The following BRD4 variants were observed in gnomAD, a reference collection of about 807,000 sequenced individuals.
BRD4 encodes bromodomain-containing protein 4.
BRD4 carries 16 observed loss-of-function variants against 142.1 expected under a neutral mutation model. The observed-to-expected ratio is 0.11, with a 90% CI of 0.08 to 0.17. The LOEUF (loss-of-function observed/expected upper bound fraction) is 0.17, where lower values mean the gene tolerates loss of function less well. Ranked by LOEUF, BRD4 falls within the 10% of genes least tolerant of loss-of-function variation. The pLI is 1.00. For synonymous variants in BRD4, 833 were observed against 707.5 expected (o/e 1.18, Z -2.82); for missense variants, 1,424 against 1,810.9 (o/e 0.79, Z 3.88).
intron 11 of BRD4, among the ~76,000 whole-genome samples, chr19:15,246,088 G>A (rs776589830): frequency 2.6e-5 from 4 of 152,178 alleles, no homozygotes; most frequent in Non-Finnish European, 5.9e-5. Context: ...TCGTACAAAT[G>A]ACCAGGGGCT....
rs147878060 is a variant in BRD4, at chr19:15,319,376, G to A, written c.-35+12914C>T. Among the ~76,000 whole-genome samples, 1,273 of 152,194 alleles carry A rather than the reference G, an allele frequency of 8.4e-3. 13 individuals carry two copies. Among genetic ancestry groups the A allele is most frequent in the Non-Finnish European group, 0.012 (799 of 68,006 alleles). ...GCTACCTGGGAGGCTGAAGTAGGAG[G>A]ATCACCTAGGCCAGGAGGCCGATGC... On this transcript the variant is annotated intron_variant, in intron 1 of 19. Transcript: ENST00000679869.
At chr19:15,272,302 C>T (rs1203560111) in intron 2 of BRD4, among the ~76,000 whole-genome samples, 3 of 152,184 alleles carry the variant, frequency 2.0e-5, no homozygotes, top group African/African-American at 7.2e-5. Context: ...CTGGGGACGC[C>T]TCCATGTACT....
intron 11 of BRD4, among the ~76,000 whole-genome samples, chr19:15,245,430 A>G (rs886646010): frequency 2.0e-5 from 3 of 152,190 alleles, no homozygotes; most frequent in African/African-American, 7.2e-5. Flanking sequence ...ACCAGCTACT[A>G]AAGAGGTAGA....
intron 1 of BRD4, among the ~76,000 whole-genome samples, chr19:15,297,152 A>G (rs551513034): frequency 6.6e-6 from 1 of 152,186 alleles, no homozygotes; most frequent in Non-Finnish European, 1.5e-5. Context: ...TTGACACACA[A>G]AGTCACAGGA....
chr19:15,257,284 GA>G, intron 7 of BRD4, 111 bp from the exon 8 acceptor site: 1 of 1,039,146 alleles, frequency 9.6e-7, no homozygotes, highest in South Asian at 1.6e-5. Context: ...AACCGAGGGC[GA>G]AAGAGGATGG....
rs752498366 is a variant in BRD4 at position 15,257,087 on chromosome 19, G to A, written c.1428C>T (p.Pro476=). The A allele has an allele frequency of 1.2e-6, 2 of 1,607,790 alleles. No homozygotes were observed. Among genetic ancestry groups the A allele is most frequent in the Non-Finnish European group, 1.7e-6 (2 of 1,178,928 alleles). ...VAVSSPAVPP[P]TKVVAPPSSS... is the part of the protein sequence containing the mutation. ...ATGAGGGCGGGGCCACAACCTTGGTGGGAGGGGGCACTGCCGGGGAGGACA... is the reference window on the plus strand; with the variant it reads ...ATGAGGGCGGGGCCACAACCTTGGTAGGAGGGGGCACTGCCGGGGAGGACA... Residue 476 remains proline, a synonymous_variant, in exon 8 of 20, where the codon CCC becomes CCT. Coordinates refer to ENST00000679869, the MANE Select transcript of BRD4 (RefSeq NM_001379291.1).
At chr19:15,262,372 G>C (rs546103007) in intron 7 of BRD4, among the ~76,000 whole-genome samples, 9 of 152,142 alleles carry the variant, frequency 5.9e-5, no homozygotes, top group African/African-American at 2.2e-4. Flanking sequence ...AGAAGATGCT[G>C]GGAATTTTTA....
chr19:15,277,881 CG>C (rs2047664637), intron 1 of BRD4, among the ~76,000 whole-genome samples: 1 of 151,432 alleles, frequency 6.6e-6, no homozygotes, highest in Non-Finnish European at 1.5e-5. Flanking sequence ...CCGAGGCAGG[CG>C]GATCACGAGG....
At chr19:15,312,002 C>G (rs1005249217) in intron 1 of BRD4, among the ~76,000 whole-genome samples, 4 of 152,114 alleles carry the variant, frequency 2.6e-5, no homozygotes, top group Non-Finnish European at 4.4e-5. Context: ...ATCTGCTGCA[C>G]GACAATATGC....
intron 1 of BRD4, among the ~76,000 whole-genome samples, chr19:15,291,462 G>A (rs550102731): frequency 5.9e-4 from 90 of 152,310 alleles, no homozygotes; most frequent in Non-Finnish European, 9.6e-4. Flanking sequence ...AAAAAGAAAT[G>A]TAGGTGGCAG....
intron 1 of BRD4, among the ~76,000 whole-genome samples, chr19:15,328,168 A>G (rs1017538341): frequency 2.6e-5 from 4 of 152,164 alleles, no homozygotes; most frequent in Admixed American, 6.5e-5. Context: ...CATTATACAA[A>G]TATCTTTCAG....
At chr19:15,328,116 G>T (rs1398666023) in intron 1 of BRD4, among the ~76,000 whole-genome samples, 1 of 152,064 alleles carries the variant, frequency 6.6e-6, no homozygotes, top group Non-Finnish European at 1.5e-5. Context: ...AATAAACGTG[G>T]AGGATGAACA....
intron 2 of BRD4, among the ~76,000 whole-genome samples, chr19:15,270,130 T>G (rs552838104): frequency 6.6e-6 from 1 of 152,234 alleles, no homozygotes; most frequent in East Asian, 1.9e-4. Context: ...CAAATCCAAG[T>G]GGAGTCCCAC....
At chr19:15,252,219 C>T (rs1414770253) in intron 11 of BRD4, among the ~76,000 whole-genome samples, 1 of 152,198 alleles carries the variant, frequency 6.6e-6, no homozygotes, top group Non-Finnish European at 1.5e-5. Flanking sequence ...CATGATCACA[C>T]ACTGGAAATC....
At chr19:15,242,270 G>A (rs919950708) in intron 14 of BRD4, among the ~76,000 whole-genome samples, 1 of 152,176 alleles carries the variant, frequency 6.6e-6, no homozygotes, top group African/African-American at 2.4e-5. Context: ...ACATCAGGAG[G>A]CACTGACCAG....
At chr19:15,332,025 C>A in intron 1 of BRD4, 1 of 141,892 alleles carries the variant, frequency 7.0e-6, no homozygotes, top group South Asian at 1.9e-4. Context: ...AAGCCCGGGT[C>A]CGACGGCACC....
rs567415611 is a variant in BRD4, at chr19:15,296,191, T to C, written c.-34-23058A>G. ...ATCGCTTGAACCCGGGAGAGAGAGG[T>C]TGCAGTGAGCCAAGATCGTGCCACT... On this transcript the variant is annotated intron_variant, in intron 1 of 19. Transcript: ENST00000679869. Among the ~76,000 whole-genome samples, 11 of 151,650 alleles carry C rather than the reference T, an allele frequency of 7.3e-5. No individual in the cohort carries two copies. The East Asian group carries it at 1.7e-3, about 24-fold the overall frequency.
At position 15,239,374 on chromosome 19, in the gene BRD4, A is replaced by T. The variant is rs199836962; in HGVS notation, c.3576+18T>A. Reference sequence around the variant, plus strand: ...CAGGGCCAAGGGGCAAGCGACACCCATGGACCTCCATCCCAACCTTTTTGG... The same window carrying T: ...CAGGGCCAAGGGGCAAGCGACACCCTTGGACCTCCATCCCAACCTTTTTGG... On this transcript the variant is annotated intron_variant, in intron 17 of 19. Coordinates refer to ENST00000679869, the MANE Select transcript of BRD4 (RefSeq NM_001379291.1). The surrounding 1 kb of genome is among the most constrained non-coding windows in gnomAD (Gnocchi z 7.4). The T allele has an allele frequency of 4.8e-5, 78 of 1,614,058 alleles. No individual in the cohort carries two copies. Among genetic ancestry groups the T allele is most frequent in the Admixed American group, 3.3e-5 (2 of 60,010 alleles).
chr19:15,239,688 C>T lies in BRD4; in HGVS notation c.3416G>A (p.Ser1139Asn), dbSNP rs1352931938. 2.5e-6 allele frequency: 4 copies of T among 1,590,252 alleles called. No homozygotes were observed. Among genetic ancestry groups the T allele is most frequent in the Non-Finnish European group, 3.4e-6 (4 of 1,176,154 alleles). Reference sequence around the variant, plus strand: ...GGGCAGGTGGACGGGGGCCTTGATGCTCTCCGGGTGCTTGGGGGGCTCCGG... The same window carrying T: ...GGGCAGGTGGACGGGGGCCTTGATGTTCTCCGGGTGCTTGGGGGGCTCCGG... ...LRPEPPKHPE[S>N]IKAPVHLPQR... is the part of the protein sequence containing the mutation. Residue 1139 changes from serine (S) to asparagine (N), a missense_variant, in exon 16 of 20, where the codon AGC becomes AAC. Ser to Asn is a conservative substitution (Grantham distance 46). This residue lies in a region of BRD4 where 598 missense variants were observed against 647.8 expected (regional missense o/e 0.92). Coordinates refer to ENST00000679869, the MANE Select transcript of BRD4 (RefSeq NM_001379291.1). This position sits in a 1 kb window ranked among gnomAD's most constrained non-coding sequence, Gnocchi z 7.4.
Sources: gnomAD v4.1 joint callset for allele counts (sites outside exome capture counted in the v4.1 genomes callset) on GRCh38, gnomAD v4.1.1 for gene constraint, gnomAD v4.1.1 regional missense constraint, Gnocchi (gnomAD v3.1) non-coding constraint, MANE v1.5 for transcripts, NCBI Gene and HGNC (gene_info 2026-07-23, HGNC 2026-07-21) for gene names.